Variants in OR2A7 observed in about 807,000 individuals in gnomAD.
OR2A7 encodes olfactory receptor family 2 subfamily A member 7.
For synonymous variants in OR2A7, 10 were observed against 147.1 expected (o/e 0.07, Z 6.74); for missense variants, 35 against 359.2 (o/e 0.10, Z 7.30).
intron 1 of OR2A7, among the ~76,000 whole-genome samples, chr7:144,260,692 G>A (rs1344627400): frequency 6.6e-6 from 1 of 151,906 alleles, no homozygotes; most frequent in East Asian, 1.9e-4. Context: ...GTTTAGATGA[G>A]CATTTATGTG....
rs1444382694 is a variant in OR2A7 at position 144,259,632 on chromosome 7, C to G, written c.-4G>C. On this transcript the variant is annotated splice_region_variant and 5_prime_UTR_variant, in exon 2 of 2. Coordinates refer to ENST00000641841, the MANE Select transcript of OR2A7 (RefSeq NM_001005328.2). ...TGGATGTTATATTGTCCCCCATATC[C>G]CTATGACAGAGGAAATCAAGTTAAT... 14 of 1,611,962 alleles carry G rather than the reference C, an allele frequency of 8.7e-6. 1 individual carries two copies. Among genetic ancestry groups the G allele is most frequent in the East Asian group, 4.5e-5 (2 of 44,890 alleles).
intron 1 of OR2A7, among the ~76,000 whole-genome samples, chr7:144,261,794 A>T (rs868558081): frequency 6.6e-6 from 1 of 151,946 alleles, no homozygotes; most frequent in Non-Finnish European, 1.5e-5. Context: ...GGTAAAAGCA[A>T]ACAAGCAATG....
intron 1 of OR2A7, among the ~76,000 whole-genome samples, chr7:144,264,131 T>C (rs1450632480): frequency 1.3e-5 from 2 of 151,710 alleles, no homozygotes; most frequent in African/African-American, 4.8e-5. Context: ...TGTAGCACAA[T>C]GCATTACTTA....
intron 1 of OR2A7, among the ~76,000 whole-genome samples, chr7:144,261,518 GA>G (rs1181243484): frequency 6.6e-6 from 1 of 151,082 alleles, no homozygotes; most frequent in African/African-American, 2.4e-5. Flanking sequence ...AAATTTTAAA[GA>G]AAAAAAGTGC....
At chr7:144,260,583 C>A (rs1311820478) in intron 1 of OR2A7, among the ~76,000 whole-genome samples, 1 of 152,102 alleles carries the variant, frequency 6.6e-6, no homozygotes, top group Non-Finnish European at 1.5e-5. Context: ...CTGATCATCA[C>A]CTCCACAGCA....
intron 1 of OR2A7, among the ~76,000 whole-genome samples, chr7:144,260,760 C>CTT (rs2052635356): frequency 6.6e-6 from 1 of 151,660 alleles, no homozygotes; most frequent in African/African-American, 2.4e-5. Flanking sequence ...GGATCAGTAA[C>CTT]TTTTGTTGGA....
chr7:144,264,344 CT>C (rs2052677123), intron 1 of OR2A7, among the ~76,000 whole-genome samples: 1 of 150,396 alleles, frequency 6.6e-6, no homozygotes, highest in African/African-American at 2.4e-5. Flanking sequence ...ACTGAAACCT[CT>C]GCCTCCTGGG....
At chr7:144,260,766 T>C (rs1276034482) in intron 1 of OR2A7, among the ~76,000 whole-genome samples, 4 of 151,668 alleles carry the variant, frequency 2.6e-5, no homozygotes, top group East Asian at 1.9e-4. Flanking sequence ...GTAACTTTTG[T>C]TGGATTTGGG....
rs2052578127 is a variant in OR2A7, at chr7:144,257,751, TG to T, written c.*944del. 1 of 149,758 alleles carries T rather than the reference TG, an allele frequency of 6.7e-6. No homozygotes were observed. Among genetic ancestry groups the T allele is most frequent in the African/African-American group, 2.5e-5 (1 of 40,490 alleles). 9.3% of individuals were successfully genotyped at this position (149,758 alleles called of 1,614,324 possible). The stretch of plus-strand genomic sequence containing the variant: ...CTAGATTTTTCTTTCTTGAGAAATC[TG>T]GGTTTATCTTGAAAACCCTGAATTA... On this transcript the variant is annotated 3_prime_UTR_variant, in exon 2 of 2. Transcript: ENST00000641841.
intron 1 of OR2A7, 115 bp downstream of exon 1, chr7:144,264,578 GTGCACTCC>G (rs1413006783): frequency 6.6e-6 from 1 of 151,892 alleles, no homozygotes; most frequent in Non-Finnish European, 1.5e-5. Flanking sequence ...TTATTTTAGA[GTGCACTCC>G]TTTTACTTAT....
chr7:144,264,619 A>T (rs1266435121), intron 1 of OR2A7, 82 bp downstream of exon 1: 1 of 151,678 alleles, frequency 6.6e-6, no homozygotes, highest in African/African-American at 2.4e-5. Context: ...ACTGCTAAAC[A>T]GTCTCAGGCA....
At chr7:144,259,873 C>T (rs1405706147) in intron 1 of OR2A7, among the ~76,000 whole-genome samples, 1 of 138,692 alleles carries the variant, frequency 7.2e-6, no homozygotes, top group African/African-American at 2.7e-5. Flanking sequence ...TTTGGGAGGC[C>T]GAGGCGGGCG....
At chr7:144,262,060 T>G (rs1399629228) in intron 1 of OR2A7, among the ~76,000 whole-genome samples, 1 of 151,604 alleles carries the variant, frequency 6.6e-6, no homozygotes, top group Non-Finnish European at 1.5e-5. Flanking sequence ...CAGAGTACCT[T>G]CCAATTATCA....
At chr7:144,262,718 G>T (rs1210706648) in intron 1 of OR2A7, among the ~76,000 whole-genome samples, 11 of 109,120 alleles carry the variant, frequency 1.0e-4, no homozygotes, top group South Asian at 4.4e-4. Context: ...TTTTTTTTTT[G>T]ATAATATCTG....
At chr7:144,261,360 A>C (rs1282867647) in intron 1 of OR2A7, among the ~76,000 whole-genome samples, 2 of 149,486 alleles carry the variant, frequency 1.3e-5, no homozygotes, top group East Asian at 3.9e-4. Flanking sequence ...GTGCTGGGCT[A>C]TGCTTGGTGT....
At chr7:144,259,981 T>C (rs2052621246) in intron 1 of OR2A7, among the ~76,000 whole-genome samples, 1 of 130,738 alleles carries the variant, frequency 7.6e-6, no homozygotes, top group Non-Finnish European at 1.7e-5. Flanking sequence ...TGGCGGCGTG[T>C]ACCTGTAGTC....
rs1362140646 is a variant in OR2A7 at position 144,257,782 on chromosome 7, A to C, written c.*914T>G. The C allele has an allele frequency of 1.3e-5, 2 of 151,018 alleles. No homozygotes were observed. Among genetic ancestry groups the C allele is most frequent in the Non-Finnish European group, 2.9e-5 (2 of 67,928 alleles). The allele number at this position is 151,018 out of a possible 1,614,324, so 9.4% of individuals were successfully genotyped here. On this transcript the variant is annotated 3_prime_UTR_variant, in exon 2 of 2. Transcript: ENST00000641841. ...TATCTTGAAAACCCTGAATTAGAAAAATTAGATTGATTTCATTCAGCGGCA... is the reference window on the plus strand; with the variant it reads ...TATCTTGAAAACCCTGAATTAGAAACATTAGATTGATTTCATTCAGCGGCA...
intron 1 of OR2A7, among the ~76,000 whole-genome samples, chr7:144,264,213 A>G (rs2052674995): frequency 6.6e-6 from 1 of 152,048 alleles, no homozygotes; most frequent in Admixed American, 6.6e-5. Flanking sequence ...ACAACTATGT[A>G]TTTTACTATG....
intron 1 of OR2A7, among the ~76,000 whole-genome samples, chr7:144,264,180 A>C (rs1485209891): frequency 2.0e-5 from 3 of 151,952 alleles, no homozygotes; most frequent in African/African-American, 4.8e-5. Flanking sequence ...ATCCTACTGC[A>C]CTCCCAGCGT....
Sources: allele counts gnomAD v4.1 joint callset (sites outside exome capture counted in the v4.1 genomes callset), GRCh38; gene constraint gnomAD v4.1.1; transcripts MANE v1.5; gene names NCBI Gene and HGNC (gene_info 2026-07-23, HGNC 2026-07-21).